IGSF10: variants seen among roughly 807,000 people sequenced by gnomAD.
The protein encoded by IGSF10 is immunoglobulin superfamily member 10.
In IGSF10, 126 loss-of-function variants were observed where a neutral mutation model predicts 128.2. That is an observed-to-expected ratio of 0.98 (90% CI 0.85 to 1.14). The LOEUF (loss-of-function observed/expected upper bound fraction) is 1.14. Among genes scored for constraint, IGSF10 ranks in the 50% most tolerant of loss-of-function variants. The pLI, the probability that IGSF10 is intolerant of heterozygous loss-of-function variation, is 0.00. For synonymous variants in IGSF10, 1,185 were observed against 1,146.2 expected (o/e 1.03, Z -0.68); for missense variants, 3,295 against 3,149.8 (o/e 1.05, Z -1.10).
chr3:151,617,946 C>T, the IGSF10 span, among the ~76,000 whole-genome samples: 49,078 of 151,908 alleles, frequency 0.32, 8,463 homozygotes, highest in East Asian at 0.64. Flanking sequence ...CATCCTGCAT[C>T]GAATAAATGG....
the IGSF10 span, among the ~76,000 whole-genome samples, chr3:151,521,180 T>C: frequency 5.3e-5 from 8 of 151,708 alleles, no homozygotes; most frequent in African/African-American, 1.9e-4. Flanking sequence ...AACCTAACTA[T>C]CCTGTTTTAT....
At chr3:151,555,959 TGA>T in the IGSF10 span, among the ~76,000 whole-genome samples, 1 of 152,176 alleles carries the variant, frequency 6.6e-6, no homozygotes, top group Non-Finnish European at 1.5e-5. Context: ...AACCTTGATA[TGA>T]TTCTGCCTCA....
At chr3:151,497,935 A>G in the IGSF10 span, among the ~76,000 whole-genome samples, 1 of 152,108 alleles carries the variant, frequency 6.6e-6, no homozygotes, top group African/African-American at 2.4e-5. Flanking sequence ...TTCCCTTTGA[A>G]GCAATTGTGA....
the IGSF10 span, among the ~76,000 whole-genome samples, chr3:151,510,589 C>T: frequency 6.6e-6 from 1 of 152,130 alleles, no homozygotes; most frequent in Admixed American, 6.5e-5. Flanking sequence ...AGCTCCTCAC[C>T]AGCAATGGAA....
At chr3:151,476,844 C>A in the IGSF10 span, among the ~76,000 whole-genome samples, 2 of 152,324 alleles carry the variant, frequency 1.3e-5, no homozygotes, top group Non-Finnish European at 2.9e-5. Flanking sequence ...AGAACCAGAG[C>A]TGTCAGCACA....
At chr3:151,530,267 T>C in the IGSF10 span, among the ~76,000 whole-genome samples, 2 of 150,680 alleles carry the variant, frequency 1.3e-5, no homozygotes, top group Admixed American at 6.6e-5. Context: ...ACGGGGAGAG[T>C]GTTTCCCAAC....
At chr3:151,540,858 A>T in the IGSF10 span, among the ~76,000 whole-genome samples, 1 of 152,192 alleles carries the variant, frequency 6.6e-6, no homozygotes, top group African/African-American at 2.4e-5. Context: ...TGCATGGCAA[A>T]AGGAACTTTC....
chr3:151,498,414 T>A, the IGSF10 span, among the ~76,000 whole-genome samples: 2 of 152,124 alleles, frequency 1.3e-5, no homozygotes, highest in African/African-American at 4.8e-5. Flanking sequence ...AAATCCTCAA[T>A]AAAATACTGG....
rs1291776076 is a variant in IGSF10, at chr3:151,453,832, A to G, written c.325-58T>C. The G allele has an allele frequency of 4.7e-6, 5 of 1,075,166 alleles. No homozygotes were observed. The East Asian group carries it at 9.6e-5, about 21-fold the overall frequency. The allele number at this position is 1,075,166 out of a possible 1,614,324, so 66.6% of individuals were successfully genotyped here. The stretch of plus-strand genomic sequence containing the variant: ...GTCAAAGGAATTTTCACAAGAGGGA[A>G]AAGTCCTATCAATAACAAAACTTAT... On this transcript the variant is annotated intron_variant, in intron 4 of 7. Coordinates refer to ENST00000282466, the MANE Select transcript of IGSF10 (RefSeq NM_178822.5).
the IGSF10 span, among the ~76,000 whole-genome samples, chr3:151,573,273 T>C: frequency 6.6e-6 from 1 of 152,208 alleles, no homozygotes; most frequent in Non-Finnish European, 1.5e-5. Flanking sequence ...GTTCAGGTCC[T>C]GGATATCCGT....
the IGSF10 span, among the ~76,000 whole-genome samples, chr3:151,513,783 C>A: frequency 2.0e-5 from 3 of 152,134 alleles, no homozygotes; most frequent in Non-Finnish European, 4.4e-5. Context: ...TCTCAGGATA[C>A]AAAATCAATG....
At chr3:151,521,138 A>T in the IGSF10 span, among the ~76,000 whole-genome samples, 9 of 152,010 alleles carry the variant, frequency 5.9e-5, no homozygotes, top group Admixed American at 3.9e-4. Flanking sequence ...AAAGAAGGGC[A>T]TTACATAATG....
Position 151,448,722 on chromosome 3 carries a change from G to A in IGSF10, c.1259C>T (p.Ala420Val). ...KPEDIFTNIEADLRADPSWLM... is the reference protein window; with the variant it reads ...KPEDIFTNIEVDLRADPSWLM... ...CCAAGAGGGATCTGCTCTGAGATCT[G>A]CCTCTATGTTGGTAAAAATGTCTTC... is the stretch of plus-strand genomic sequence containing the variant. Residue 420 changes from alanine (A) to valine (V), a missense_variant, in exon 6 of 8, where the codon GCA (alanine) becomes GTA (valine). Physicochemically the swap from Ala to Val is moderately conservative, Grantham distance 64. Coordinates refer to ENST00000282466, the MANE Select transcript of IGSF10 (RefSeq NM_178822.5). 1.2e-5 allele frequency: 20 copies of A among 1,613,726 alleles called. No individual in the cohort carries two copies. The highest frequency in any genetic ancestry group is 1.4e-5 in the Non-Finnish European group (17 of 1,179,678).
At chr3:151,580,385 C>T in the IGSF10 span, among the ~76,000 whole-genome samples, 3 of 152,102 alleles carry the variant, frequency 2.0e-5, no homozygotes, top group Non-Finnish European at 4.4e-5. Flanking sequence ...GATCTACACA[C>T]AGAAAGAAAT....
In IGSF10 at chr3:151,449,232, G is replaced by C. The variant is rs950097633; in HGVS notation, c.749C>G (p.Ser250Cys). Reference sequence around the variant, plus strand: ...GCAAAGTGGACACTGCTGAGCACTAGAGGGACTTCTATCTTTTTTGCATTT... The same window carrying C: ...GCAAAGTGGACACTGCTGAGCACTACAGGGACTTCTATCTTTTTTGCATTT... ...VIKCKKDRSP[S>C]SAQQCPLCMN... Residue 250 changes from serine (S) to cysteine (C), a missense_variant, in exon 6 of 8, where the codon TCT (serine) becomes TGT (cysteine). Ser to Cys is a moderately radical substitution (Grantham distance 112). Coordinates refer to ENST00000282466, the MANE Select transcript of IGSF10 (RefSeq NM_178822.5). 1 of 1,591,470 alleles carries C rather than the reference G, an allele frequency of 6.3e-7. No individual in the cohort carries two copies. The highest frequency in any genetic ancestry group is 1.4e-5 in the African/African-American group (1 of 73,822).
chr3:151,436,909 A>T lies in IGSF10; in HGVS notation c.7652T>A (p.Val2551Glu). The change falls in exon 8 of 8, where the codon GTG (valine) becomes GAG (glutamate). Residue 2551 changes from valine to glutamate, a missense_variant. Physicochemically the swap from Val to Glu is moderately radical, Grantham distance 121. Coordinates refer to ENST00000282466, the MANE Select transcript of IGSF10 (RefSeq NM_178822.5). ...TTCTGGCTTGGGAACTCCCAAGGCCACACAGTGGAGCTGAAAGGCTGCCCC... is the reference window on the plus strand; with the variant it reads ...TTCTGGCTTGGGAACTCCCAAGGCCTCACAGTGGAGCTGAAAGGCTGCCCC... ...RTGAAFQLHC[V>E]ALGVPKPEIT... The T allele has an allele frequency of 6.2e-7, 1 of 1,614,176 alleles. No individual in the cohort carries two copies. The highest frequency in any genetic ancestry group is 1.3e-5 in the African/African-American group (1 of 75,070).
Position 151,437,728 on chromosome 3 carries a change from T to C in IGSF10, c.6833A>G (p.Asn2278Ser), listed in dbSNP as rs1560169901. Residue 2278 changes from asparagine to serine, a missense_variant, in exon 8 of 8, where the codon AAT becomes AGT. By Grantham distance (46) the Asn-to-Ser change is conservative. Coordinates refer to ENST00000282466, the MANE Select transcript of IGSF10 (RefSeq NM_178822.5). ...ATAGTATGGGGCTGTGAGGAAAATA[T>C]TGTCTGGCATGATCCACATGACTTC... ...SPEVMWIMPD[N>S]IFLTAPYYGS... is the part of the protein sequence containing the mutation. 2.5e-6 allele frequency: 4 copies of C among 1,614,130 alleles called. No homozygotes were observed. In the Middle Eastern group the frequency reaches 4.9e-4, roughly 200 times the overall value.
the IGSF10 span, among the ~76,000 whole-genome samples, chr3:151,475,172 A>G: frequency 2.6e-5 from 4 of 152,246 alleles, no homozygotes; most frequent in Admixed American, 2.6e-4. Context: ...CAGCAAGAAC[A>G]TAAAGATTCA....
the IGSF10 span, among the ~76,000 whole-genome samples, chr3:151,599,880 T>G: frequency 6.6e-6 from 1 of 152,184 alleles, no homozygotes; most frequent in African/African-American, 2.4e-5. Context: ...TGAAAGATGA[T>G]TAGGACAGCA....
Sources: gnomAD v4.1 joint callset for allele counts (sites outside exome capture counted in the v4.1 genomes callset) on GRCh38, gnomAD v4.1.1 for gene constraint, MANE v1.5 for transcripts, NCBI Gene and HGNC (gene_info 2026-07-23, HGNC 2026-07-21) for gene names.